CSMD1: variants seen among roughly 807,000 people sequenced by gnomAD.
CSMD1 encodes the protein CUB and Sushi multiple domains 1.
A neutral mutation model predicts 417.5 loss-of-function variants in CSMD1; 213 were observed. The ratio of observed to expected loss-of-function variants is 0.51; its 90% CI spans 0.46 to 0.57. CSMD1 has a LOEUF of 0.57. Ranked by LOEUF, CSMD1 falls within the 20% of genes least tolerant of loss-of-function variation. The pLI, the probability that CSMD1 is intolerant of heterozygous loss-of-function variation, is 0.00. For synonymous variants in CSMD1, 2,862 were observed against 1,736.8 expected (o/e 1.65, Z -16.11); for missense variants, 6,923 against 4,529.7 (o/e 1.53, Z -15.17).
intron 49 of CSMD1, among the ~76,000 whole-genome samples, chr8:3,059,364 C>G (rs545473258): frequency 4.5e-5 from 2 of 44,188 alleles, no homozygotes; most frequent in African/African-American, 1.1e-4. Context: ...ACAACTTTTT[C>G]TCTGCTTTTC....
intron 17 of CSMD1, among the ~76,000 whole-genome samples, chr8:3,390,918 G>T (rs1285051578): frequency 1.3e-5 from 2 of 151,970 alleles, no homozygotes; most frequent in Non-Finnish European, 2.9e-5. Context: ...CAAAATAGAG[G>T]TTGAAAAGTC....
At chr8:3,731,230 T>G (rs887606869) in intron 6 of CSMD1, among the ~76,000 whole-genome samples, 3 of 152,056 alleles carry the variant, frequency 2.0e-5, no homozygotes. Context: ...CTGTCCTCCT[T>G]CCCCCAGCAA....
In CSMD1 at chr8:4,272,021, A is replaced by T. The variant is rs73660722; in HGVS notation, c.415+147932T>A. 9.5e-3 allele frequency among the ~76,000 whole-genome samples: 1,452 copies of T among 152,172 alleles called. 26 individuals are homozygous for T. The highest frequency in any genetic ancestry group is 0.033 in the African/African-American group (1,377 of 41,528). ...CCCGTGAATACTCTATTTTCCATCC[A>T]TGTTTGGTTGAAAAAAATTGCATGT... On this transcript the variant is annotated intron_variant, in intron 3 of 69. Coordinates refer to ENST00000635120, the MANE Select transcript of CSMD1 (RefSeq NM_033225.6).
At chr8:3,448,947 G>A (rs1585180488) in intron 12 of CSMD1, among the ~76,000 whole-genome samples, 1 of 152,174 alleles carries the variant, frequency 6.6e-6, no homozygotes, top group Non-Finnish European at 1.5e-5. Flanking sequence ...GTAAATGTAG[G>A]AAAGAAGGTG....
intron 1 of CSMD1, among the ~76,000 whole-genome samples, chr8:4,932,004 G>C (rs1807280310): frequency 6.6e-6 from 1 of 152,160 alleles, no homozygotes; most frequent in South Asian, 2.1e-4. Context: ...AATAATTTGA[G>C]AGATTCACAT....
intron 26 of CSMD1, among the ~76,000 whole-genome samples, chr8:3,262,185 ATATATATATATATATAT>A (rs1392339615): frequency 1.7e-4 from 8 of 46,298 alleles, no homozygotes; most frequent in African/African-American, 8.4e-4. Flanking sequence ...GCTCATATGA[ATATATATATATATATAT>A]ATATATATAT....
intron 1 of CSMD1, among the ~76,000 whole-genome samples, chr8:4,712,244 T>A (rs890601727): frequency 2.0e-5 from 3 of 152,216 alleles, no homozygotes; most frequent in African/African-American, 7.2e-5. Context: ...GCAAATAGCA[T>A]CATTCAAAAT....
At chr8:4,799,641 C>T in intron 1 of CSMD1, among the ~76,000 whole-genome samples, 1 of 144,368 alleles carries the variant, frequency 6.9e-6, no homozygotes, top group East Asian at 2.0e-4. Flanking sequence ...AATCCCTGGG[C>T]ACTCACACAA....
chr8:3,239,728 G>C (rs181954828), intron 26 of CSMD1, among the ~76,000 whole-genome samples: 4 of 152,326 alleles, frequency 2.6e-5, no homozygotes, highest in African/African-American at 9.6e-5. Context: ...TGCTGGCGTG[G>C]GGCGATTAGG....
Position 4,782,950 on chromosome 8 carries a change from C to CAAAA in CSMD1, c.86-145396_86-145393dup, listed in dbSNP as rs11378248. ...ATAAAACAATGTTTTTAAAGACACTCAAAAAAAAAAAAAGACGACTTCAGA... is the reference window on the plus strand; with the variant it reads ...ATAAAACAATGTTTTTAAAGACACTCAAAAAAAAAAAAAAAAAGACGACTTCAGA... On this transcript the variant is annotated intron_variant, in intron 1 of 69. Coordinates refer to ENST00000635120, the MANE Select transcript of CSMD1 (RefSeq NM_033225.6). 7.5e-4 allele frequency among the ~76,000 whole-genome samples: 96 copies of CAAAA among 127,844 alleles called. No individual in the cohort carries two copies. In the South Asian group the frequency reaches 0.013, roughly 17 times the overall value. The allele number at this position is 127,844 out of a possible 152,430, so 83.9% of individuals were successfully genotyped here. A position where few individuals can be genotyped will look rare whatever the true frequency, so the allele number is the denominator to read the frequency against.
intron 2 of CSMD1, among the ~76,000 whole-genome samples, chr8:4,440,700 A>C (rs1294921570): frequency 1.3e-5 from 2 of 152,166 alleles, no homozygotes; most frequent in Non-Finnish European, 2.9e-5. Context: ...TTATTTTACA[A>C]ATTAATTAAT....
At chr8:3,379,025 A>G (rs1392608125) in intron 18 of CSMD1, among the ~76,000 whole-genome samples, 1 of 152,244 alleles carries the variant, frequency 6.6e-6, no homozygotes, top group Non-Finnish European at 1.5e-5. Context: ...AATCTCCTTA[A>G]GCTGATAAAC....
intron 7 of CSMD1, among the ~76,000 whole-genome samples, chr8:3,642,880 A>T (rs1019724788): frequency 1.3e-5 from 2 of 151,896 alleles, no homozygotes; most frequent in Non-Finnish European, 2.9e-5. Context: ...ATATATATAG[A>T]TTATACATAC....
At chr8:3,437,988 A>C (rs943008684) in intron 12 of CSMD1, among the ~76,000 whole-genome samples, 20 of 152,164 alleles carry the variant, frequency 1.3e-4, no homozygotes, top group Admixed American at 6.5e-4. Flanking sequence ...TGATCCGCTC[A>C]CCTCAGCCTC....
chr8:3,779,637 A>G (rs1254779094), intron 5 of CSMD1, among the ~76,000 whole-genome samples: 3 of 152,216 alleles, frequency 2.0e-5, no homozygotes. Flanking sequence ...CAGCGTTAAT[A>G]TTTTAGGTTA....
At chr8:4,347,833 G>A (rs7829084) in intron 3 of CSMD1, among the ~76,000 whole-genome samples, 3,491 of 114,820 alleles carry the variant, frequency 0.03, 124 homozygotes, top group African/African-American at 0.15. Flanking sequence ...ATCTTCTCTC[G>A]TTCAAAGAAA....
chr8:4,144,954 T>C (rs986397652), intron 3 of CSMD1, among the ~76,000 whole-genome samples: 2 of 151,040 alleles, frequency 1.3e-5, no homozygotes, highest in African/African-American at 5.0e-5. Flanking sequence ...CATTTCTAAC[T>C]TGAAAACAGA....
At position 3,359,270 on chromosome 8, in the gene CSMD1, A is replaced by G; in HGVS notation, c.3186T>C (p.Gly1062=). The part of the protein sequence containing the change: ...AFSRRIGFHF[G]VGDSLTFSCF... ...AGGAAAACGTCAGAGAGTCTCCCACACCAAAGTGAAAACCAATTCTTCGGC... is the reference window on the plus strand; with the variant it reads ...AGGAAAACGTCAGAGAGTCTCCCACGCCAAAGTGAAAACCAATTCTTCGGC... Residue 1062 remains glycine (G), a synonymous_variant, in exon 21 of 70, where the codon GGT becomes GGC. Coordinates refer to ENST00000635120, the MANE Select transcript of CSMD1 (RefSeq NM_033225.6). 1.9e-6 allele frequency: 3 copies of G among 1,613,864 alleles called. No individual in the cohort carries two copies. The highest frequency in any genetic ancestry group is 2.5e-6 in the Non-Finnish European group (3 of 1,179,850).
At chr8:4,540,863 A>G (rs1797347794) in intron 2 of CSMD1, among the ~76,000 whole-genome samples, 2 of 152,118 alleles carry the variant, frequency 1.3e-5, no homozygotes, top group African/African-American at 4.8e-5. Flanking sequence ...AACCAGCAAC[A>G]CAGGAAGTCT....
Sources: allele counts gnomAD v4.1 joint callset (sites outside exome capture counted in the v4.1 genomes callset), GRCh38; gene constraint gnomAD v4.1.1; transcripts MANE v1.5; gene names NCBI Gene and HGNC (gene_info 2026-07-23, HGNC 2026-07-21).